Variants in FOXC2 observed in about 807,000 individuals in gnomAD.
The protein encoded by FOXC2 is forkhead box C2, also known as forkhead box protein C2.
Under a neutral mutation model 7.2 loss-of-function variants are expected in FOXC2, and 7 were observed. The observed-to-expected ratio is 0.97, with a 90% confidence interval of 0.55 to 1.81. The LOEUF (loss-of-function observed/expected upper bound fraction) is 1.81, where lower values mean the gene tolerates loss of function less well. Ranked by LOEUF, FOXC2 falls within the 40% of genes most tolerant of loss-of-function variation. The pLI is 0.00. For synonymous variants in FOXC2, 436 were observed against 350.4 expected, an observed-to-expected ratio of 1.24 and a Z score of -2.73; for missense variants, 846 against 741.2, an observed-to-expected ratio of 1.14 and a Z score of -1.64.
In FOXC2 at chr16:86,568,405, C is replaced by T. The variant is rs1974231738; in HGVS notation, c.1070C>T (p.Ala357Val). The T allele has an allele frequency of 6.5e-6, 9 of 1,387,438 alleles. No individual in the cohort carries two copies. Among genetic ancestry groups the T allele is most frequent in the Admixed American group, 2.6e-5 (1 of 39,066 alleles). The allele number at this position is 1,387,438 out of a possible 1,614,324, so 85.9% of individuals were successfully genotyped here. Residue 357 changes from alanine (A) to valine (V), a missense_variant, in exon 1 of 1, where the codon GCC (alanine) becomes GTC (valine). By Grantham distance (64) the Ala-to-Val change is moderately conservative (BLOSUM62 0). This residue lies in a region of FOXC2 where 640 missense variants were observed against 503.2 expected (regional missense o/e 1.27). Coordinates refer to ENST00000649859, the MANE Select transcript of FOXC2 (RefSeq NM_005251.3). The surrounding 1 kb of genome is among the most constrained non-coding windows in gnomAD (Gnocchi z 5.2). ...TGCGTCCCGCCCGCCCTGGACGAGG[C>T]CCTCTCGGACCACCCGAGCGGCCCC... ...HMCVPPALDE[A>V]LSDHPSGPTS...
Position 86,567,513 on chromosome 16 carries a change from C to T in FOXC2, c.178C>T (p.His60Tyr), listed in dbSNP as rs1374904425. The change falls in exon 1 of 1, where the codon CAC (histidine) becomes TAC (tyrosine). Residue 60 changes from histidine (H) to tyrosine (Y), a missense_variant. Transcript: ENST00000649859. ...AGMGRSYAPY[H>Y]HHQPAAPKDL... ...GATGGGCCGCTCCTACGCGCCCTAC[C>T]ACCACCACCAGCCCGCGGCGCCTAA... is the stretch of plus-strand genomic sequence containing the variant. 3.7e-6 allele frequency: 6 copies of T among 1,613,958 alleles called. No individual in the cohort carries two copies. Among genetic ancestry groups the T allele is most frequent in the Middle Eastern group, 1.7e-4 (1 of 6,060 alleles).
chr16:86,567,270 G>A lies in FOXC2; in HGVS notation c.-66G>A, dbSNP rs1348705447. ...CTCTCTCGCGCTCTCTCGCTCTCAG[G>A]GCCCCCCTCGCTCCCCCGGCCGCAG... On this transcript the variant is annotated 5_prime_UTR_variant, in exon 1 of 1. Transcript: ENST00000649859. The A allele has an allele frequency of 3.6e-5, 57 of 1,589,384 alleles. No homozygotes were observed. The highest frequency in any genetic ancestry group is 5.4e-5 in the African/African-American group (4 of 74,382).
In FOXC2 at chr16:86,569,135, TGCTGTGCTCGACCTGA is replaced by T; in HGVS notation, c.*298_*313del. The T allele has an allele frequency of 1.9e-6, 1 of 525,758 alleles. No homozygotes were observed. The highest frequency in any genetic ancestry group is 2.1e-5 in the South Asian group (1 of 47,590). The allele number at this position is 525,758 out of a possible 1,614,324, so 32.6% of individuals were successfully genotyped here. A position where few individuals can be genotyped will look rare whatever the true frequency, so the allele number is the denominator to read the frequency against. ...TCCCCCTCCCCTACCAGGACGGCTG[TGCTGTGCTCGACCTGA>T]GCTTTCAAAAGTTAAGTTATGGACC... is the stretch of plus-strand genomic sequence containing the variant. On this transcript the variant is annotated 3_prime_UTR_variant, in exon 1 of 1. Coordinates refer to ENST00000649859, the MANE Select transcript of FOXC2 (RefSeq NM_005251.3).
rs1597403272 is a variant in FOXC2, at chr16:86,568,747, T to G, written c.1412T>G (p.Val471Gly). The G allele has an allele frequency of 1.2e-6, 2 of 1,612,816 alleles. No homozygotes were observed. The highest frequency in any genetic ancestry group is 1.7e-6 in the Non-Finnish European group (2 of 1,179,978). Residue 471 changes from valine (V) to glycine (G), a missense_variant, in exon 1 of 1, where the codon GTG becomes GGG. Around this residue, in one of 3 missense-constraint regions of FOXC2, gnomAD observed 640 missense variants for 503.2 expected, o/e 1.27. Transcript: ENST00000649859. This position sits in a 1 kb window ranked among gnomAD's most constrained non-coding sequence, Gnocchi z 5.2. ...IENSTLGESQ[V>G]SGNASCQLPY... ...AACTCGACCCTCGGGGAGTCCCAGGTGAGTGGCAATGCCAGCTGCCAGCTG... is the reference window on the plus strand; with the variant it reads ...AACTCGACCCTCGGGGAGTCCCAGGGGAGTGGCAATGCCAGCTGCCAGCTG...
Position 86,568,635 on chromosome 16 carries a change from C to G in FOXC2, c.1300C>G (p.His434Asp). Residue 434 changes from histidine to aspartate, a missense_variant, in exon 1 of 1, where the codon CAC becomes GAC. Around this residue, in one of 3 missense-constraint regions of FOXC2, gnomAD observed 640 missense variants for 503.2 expected, o/e 1.27. Coordinates refer to ENST00000649859, the MANE Select transcript of FOXC2 (RefSeq NM_005251.3). The surrounding 1 kb of genome is among the most constrained non-coding windows in gnomAD (Gnocchi z 5.2). The stretch of plus-strand genomic sequence containing the variant: ...TCTCAACCACAGCGGGGACCTGAAC[C>G]ACCTCCCCGGCCACACGTTCGCGGC... ...WYLNHSGDLN[H>D]LPGHTFAAQQ... is the part of the protein sequence containing the mutation. The G allele has an allele frequency of 6.2e-7, 1 of 1,612,568 alleles. No homozygotes were observed. Among genetic ancestry groups the G allele is most frequent in the Non-Finnish European group, 8.5e-7 (1 of 1,179,942 alleles).
In FOXC2 at chr16:86,567,372, C is replaced by T. The variant is rs1974210528; in HGVS notation, c.37C>T (p.Leu13=). ...CTACTCCGTGTCCGACCCCAACGCC[C>T]TGGGAGTGGTGCCCTACCTGAGCGA... ...ARYSVSDPNA[L]GVVPYLSEQN... Residue 13 remains leucine, a synonymous_variant, in exon 1 of 1, where the codon CTG becomes TTG. Transcript: ENST00000649859. The T allele has an allele frequency of 1.2e-6, 2 of 1,613,046 alleles. No individual in the cohort carries two copies. Among genetic ancestry groups the T allele is most frequent in the African/African-American group, 1.3e-5 (1 of 74,924 alleles).
rs1010985534 is a variant in FOXC2, at chr16:86,567,250, T to C, written c.-86T>C. ...CCCCTCCTCTCCCCCTCTGGCTCTC[T>C]CGCGCTCTCTCGCTCTCAGGGCCCC... On this transcript the variant is annotated 5_prime_UTR_variant, in exon 1 of 1. Transcript: ENST00000649859. 1.3e-6 allele frequency: 2 copies of C among 1,506,954 alleles called. No individual in the cohort carries two copies. Among genetic ancestry groups the C allele is most frequent in the African/African-American group, 1.4e-5 (1 of 72,770 alleles). 93.3% of individuals were successfully genotyped at this position (1,506,954 alleles called of 1,614,324 possible). A position where few individuals can be genotyped will look rare whatever the true frequency, so the allele number is the denominator to read the frequency against.
At position 86,568,109 on chromosome 16, in the gene FOXC2, G is replaced by T. The variant is rs1369678305; in HGVS notation, c.774G>T (p.Glu258Asp). Residue 258 changes from glutamate to aspartate, a missense_variant, in exon 1 of 1, where the codon GAG (glutamate) becomes GAT (aspartate). By Grantham distance (45) the Glu-to-Asp change is conservative. Coordinates refer to ENST00000649859, the MANE Select transcript of FOXC2 (RefSeq NM_005251.3). This position sits in a 1 kb window ranked among gnomAD's most constrained non-coding sequence, Gnocchi z 5.2. The stretch of plus-strand genomic sequence containing the variant: ...GCTCCCCCGACGGCTCGCTGCCGGA[G>T]CACCACGCCGCGGCGCCCAACGGGC... ...PAGSPDGSLPEHHAAAPNGLP... is the reference protein window; with the variant it reads ...PAGSPDGSLPDHHAAAPNGLP... 7.3e-7 allele frequency: 1 copy of T among 1,361,046 alleles called. No homozygotes were observed. Among genetic ancestry groups the T allele is most frequent in the South Asian group, 1.8e-5 (1 of 54,418 alleles). The allele number at this position is 1,361,046 out of a possible 1,614,324, so 84.3% of individuals were successfully genotyped here.
rs1974203936 is a variant in FOXC2 at position 86,567,032 on chromosome 16, T to G, written c.-304T>G. Among the ~76,000 whole-genome samples the G allele has an allele frequency of 6.7e-6, 1 of 150,366 alleles. No homozygotes were observed. The highest frequency in any genetic ancestry group is 6.6e-5 in the Admixed American group (1 of 15,124). On this transcript the variant is annotated 5_prime_UTR_variant, in exon 1 of 1. Transcript: ENST00000649859. Reference sequence around the variant, plus strand: ...TCCGCTGGGTCCGCGGCCGCCCGCCTGCCCGCGCTGCCGCCGCCGGGTCCT... The same window carrying G: ...TCCGCTGGGTCCGCGGCCGCCCGCCGGCCCGCGCTGCCGCCGCCGGGTCCT...
rs1370639564 is a variant in FOXC2, at chr16:86,568,052, C to T, written c.717C>T (p.Gly239=). The change falls in exon 1 of 1, where the codon GGC becomes GGT. Residue 239 remains glycine, a synonymous_variant. Coordinates refer to ENST00000649859, the MANE Select transcript of FOXC2 (RefSeq NM_005251.3). This position sits in a 1 kb window ranked among gnomAD's most constrained non-coding sequence, Gnocchi z 5.2. The stretch of plus-strand genomic sequence containing the variant: ...TGAGCCCCGAGAGCGCGCTGCAGGG[C>T]AGCCCGCGCAGCGCGGCCTCCACGC... ...ETLSPESALQ[G]SPRSAASTPA... is the part of the protein sequence containing the mutation. 2 of 1,453,850 alleles carry T rather than the reference C, an allele frequency of 1.4e-6. No homozygotes were observed. Among genetic ancestry groups the T allele is most frequent in the Admixed American group, 2.9e-5 (1 of 34,318 alleles). 90.1% of individuals were successfully genotyped at this position (1,453,850 alleles called of 1,614,324 possible).
In FOXC2 at chr16:86,568,797, T is replaced by A. The variant is rs532622899; in HGVS notation, c.1462T>A (p.Tyr488Asn). The A allele has an allele frequency of 1.9e-6, 3 of 1,612,902 alleles. No homozygotes were observed. In the African/African-American group the frequency reaches 4.0e-5, roughly 22 times the overall value. Residue 488 changes from tyrosine to asparagine, a missense_variant, in exon 1 of 1, where the codon TAT (tyrosine) becomes AAT (asparagine). Transcript: ENST00000649859. This position sits in a 1 kb window ranked among gnomAD's most constrained non-coding sequence, Gnocchi z 5.2. The stretch of plus-strand genomic sequence containing the variant: ...GCCCTACAGATCCACGCCGCCTCTC[T>A]ATCGCCACGCAGCCCCCTACTCCTA... The part of the protein sequence containing the change: ...QLPYRSTPPL[Y>N]RHAAPYSYDC...
rs1347856337 is a variant in FOXC2 at position 86,567,363 on chromosome 16, C to T, written c.28C>T (p.Pro10Ser). The change falls in exon 1 of 1, where the codon CCC becomes TCC. Residue 10 changes from proline (P) to serine (S), a missense_variant. Coordinates refer to ENST00000649859, the MANE Select transcript of FOXC2 (RefSeq NM_005251.3). The part of the protein sequence containing the change: MQARYSVSD[P>S]NALGVVPYLS... ...GCAGGCGCGCTACTCCGTGTCCGAC[C>T]CCAACGCCCTGGGAGTGGTGCCCTA... 5 of 1,612,982 alleles carry T rather than the reference C, an allele frequency of 3.1e-6. No individual in the cohort carries two copies. The highest frequency in any genetic ancestry group is 2.7e-5 in the African/African-American group (2 of 74,944).
Position 86,568,112 on chromosome 16 carries a change from C to A in FOXC2, c.777C>A (p.His259Gln). ...CCCCCGACGGCTCGCTGCCGGAGCA[C>A]CACGCCGCGGCGCCCAACGGGCTGC... Reference protein sequence around the residue: ...AGSPDGSLPEHHAAAPNGLPG... With the variant: ...AGSPDGSLPEQHAAAPNGLPG... The change falls in exon 1 of 1, where the codon CAC becomes CAA. Residue 259 changes from histidine (H) to glutamine (Q), a missense_variant. His to Gln is a conservative substitution (Grantham distance 24, BLOSUM62 0). Coordinates refer to ENST00000649859, the MANE Select transcript of FOXC2 (RefSeq NM_005251.3). The surrounding 1 kb of genome is among the most constrained non-coding windows in gnomAD (Gnocchi z 5.2). 1 of 1,376,484 alleles carries A rather than the reference C, an allele frequency of 7.3e-7. No homozygotes were observed. The highest frequency in any genetic ancestry group is 1.5e-5 in the African/African-American group (1 of 65,442). 85.3% of individuals were successfully genotyped at this position (1,376,484 alleles called of 1,614,324 possible). A position where few individuals can be genotyped will look rare whatever the true frequency, so the allele number is the denominator to read the frequency against.
chr16:86,568,481 C>T lies in FOXC2; in HGVS notation c.1146C>T (p.Leu382=), dbSNP rs891702038. 9 of 1,306,644 alleles carry T rather than the reference C, an allele frequency of 6.9e-6. No individual in the cohort carries two copies. Among genetic ancestry groups the T allele is most frequent in the Middle Eastern group, 2.8e-4 (1 of 3,572 alleles). 80.9% of individuals were successfully genotyped at this position (1,306,644 alleles called of 1,614,324 possible). A position where few individuals can be genotyped will look rare whatever the true frequency, so the allele number is the denominator to read the frequency against. ...TCGCCGCCGGCCAGGAGGGCGCGCT[C>T]GCCGCCACGGGCCACCACCACCAGC... ...LNLAAGQEGA[L]AATGHHHQHH... is the part of the protein sequence containing the mutation. Residue 382 remains leucine, a synonymous_variant, in exon 1 of 1, where the codon CTC becomes CTT. Coordinates refer to ENST00000649859, the MANE Select transcript of FOXC2 (RefSeq NM_005251.3). The surrounding 1 kb of genome is among the most constrained non-coding windows in gnomAD (Gnocchi z 5.2).
chr16:86,567,412 G>C lies in FOXC2; in HGVS notation c.77G>C (p.Arg26Pro), dbSNP rs780946825. ...VPYLSEQNYYRAAGSYGGMAS... is the reference protein window; with the variant it reads ...VPYLSEQNYYPAAGSYGGMAS... ...TACCTGAGCGAGCAGAATTACTACC[G>C]GGCTGCGGGCAGCTACGGCGGCATG... The change falls in exon 1 of 1, where the codon CGG becomes CCG. Residue 26 changes from arginine to proline, a missense_variant. By Grantham distance (103) the Arg-to-Pro change is moderately radical (BLOSUM62 -2). Around this residue, in one of 3 missense-constraint regions of FOXC2, gnomAD observed 154 missense variants for 134.2 expected, o/e 1.15. Transcript: ENST00000649859. 1 of 1,613,286 alleles carries C rather than the reference G, an allele frequency of 6.2e-7. No individual in the cohort carries two copies. Among genetic ancestry groups the C allele is most frequent in the Non-Finnish European group, 8.5e-7 (1 of 1,179,842 alleles).
rs1240110821 is a variant in FOXC2 at position 86,568,115 on chromosome 16, C to T, written c.780C>T (p.His260=). 6 of 1,349,994 alleles carry T rather than the reference C, an allele frequency of 4.4e-6. No individual in the cohort carries two copies. The highest frequency in any genetic ancestry group is 1.9e-5 in the South Asian group (1 of 51,954). The allele number at this position is 1,349,994 out of a possible 1,614,324, so 83.6% of individuals were successfully genotyped here. The change falls in exon 1 of 1, where the codon CAC becomes CAT. Residue 260 remains histidine, a synonymous_variant. Coordinates refer to ENST00000649859, the MANE Select transcript of FOXC2 (RefSeq NM_005251.3). This position sits in a 1 kb window ranked among gnomAD's most constrained non-coding sequence, Gnocchi z 5.2. The part of the protein sequence containing the change: ...GSPDGSLPEH[H]AAAPNGLPGF... ...CCGACGGCTCGCTGCCGGAGCACCA[C>T]GCCGCGGCGCCCAACGGGCTGCCTG...
Position 86,568,084 on chromosome 16 carries a change from G to C in FOXC2, c.749G>C (p.Gly250Ala). The C allele has an allele frequency of 1.4e-6, 2 of 1,418,672 alleles. No homozygotes were observed. The highest frequency in any genetic ancestry group is 3.1e-5 in the South Asian group (2 of 65,252). The allele number at this position is 1,418,672 out of a possible 1,614,324, so 87.9% of individuals were successfully genotyped here. A position where few individuals can be genotyped will look rare whatever the true frequency, so the allele number is the denominator to read the frequency against. ...CGCAGCGCGGCCTCCACGCCCGCCG[G>C]CTCCCCCGACGGCTCGCTGCCGGAG... ...SPRSAASTPAGSPDGSLPEHH... is the reference protein window; with the variant it reads ...SPRSAASTPAASPDGSLPEHH... Residue 250 changes from glycine (G) to alanine (A), a missense_variant, in exon 1 of 1, where the codon GGC (glycine) becomes GCC (alanine). By Grantham distance (60) the Gly-to-Ala change is moderately conservative. Coordinates refer to ENST00000649859, the MANE Select transcript of FOXC2 (RefSeq NM_005251.3). This position sits in a 1 kb window ranked among gnomAD's most constrained non-coding sequence, Gnocchi z 5.2.
At position 86,567,465 on chromosome 16, in the gene FOXC2, C is replaced by G; in HGVS notation, c.130C>G (p.His44Asp). 1 of 1,613,522 alleles carries G rather than the reference C, an allele frequency of 6.2e-7. No individual in the cohort carries two copies. The highest frequency in any genetic ancestry group is 2.2e-5 in the East Asian group (1 of 44,838). The stretch of plus-strand genomic sequence containing the variant: ...CAGCCCCATGGGCGTCTATTCCGGC[C>G]ACCCGGAGCAGTACAGCGCGGGGAT... The part of the protein sequence containing the change: ...MASPMGVYSG[H>D]PEQYSAGMGR... The change falls in exon 1 of 1, where the codon CAC becomes GAC. Residue 44 changes from histidine to aspartate, a missense_variant. Physicochemically the swap from His to Asp is moderately conservative, Grantham distance 81. Transcript: ENST00000649859.
Position 86,568,508 on chromosome 16 carries a change from C to G in FOXC2, c.1173C>G (p.His391Gln). ...CCGCCACGGGCCACCACCACCAGCACCACGGCCACCACCACCCGCAGGCGC... is the reference window on the plus strand; with the variant it reads ...CCGCCACGGGCCACCACCACCAGCAGCACGGCCACCACCACCCGCAGGCGC... Reference protein sequence around the residue: ...ALAATGHHHQHHGHHHPQAPP... With the variant: ...ALAATGHHHQQHGHHHPQAPP... Residue 391 changes from histidine to glutamine, a missense_variant, in exon 1 of 1, where the codon CAC becomes CAG. Transcript: ENST00000649859. The surrounding 1 kb of genome is among the most constrained non-coding windows in gnomAD (Gnocchi z 5.2). The G allele has an allele frequency of 7.8e-7, 1 of 1,289,428 alleles. No homozygotes were observed. The highest frequency in any genetic ancestry group is 9.8e-7 in the Non-Finnish European group (1 of 1,018,104). The allele number at this position is 1,289,428 out of a possible 1,614,324, so 79.9% of individuals were successfully genotyped here. A position where few individuals can be genotyped will look rare whatever the true frequency, so the allele number is the denominator to read the frequency against.
Sources: allele counts gnomAD v4.1 joint callset (sites outside exome capture counted in the v4.1 genomes callset), GRCh38; gene constraint gnomAD v4.1.1; regional missense constraint gnomAD v4.1.1; non-coding constraint Gnocchi (gnomAD v3.1); transcripts MANE v1.5; gene names NCBI Gene and HGNC (gene_info 2026-07-23, HGNC 2026-07-21).